The following DCC variants were observed in gnomAD, a reference collection of about 807,000 sequenced individuals.
DCC encodes DCC netrin 1 receptor, also known as netrin receptor DCC.
Under a neutral mutation model 172.5 loss-of-function variants are expected in DCC, and 58 were observed. That is an observed-to-expected ratio of 0.34 (90% CI 0.27 to 0.42). The LOEUF (loss-of-function observed/expected upper bound fraction) is 0.42. DCC is among the 10% of genes least tolerant of loss of function. The pLI is 1.00. For missense variants in DCC, 1,740 were observed against 1,791.0 expected, an observed-to-expected ratio of 0.97 and a Z score of 0.51; for synonymous variants, 709 against 644.5, an observed-to-expected ratio of 1.10 and a Z score of -1.52.
chr18:53,485,947 TAGAC>T (rs1259727120), intron 25 of DCC, among the ~76,000 whole-genome samples: 1 of 152,062 alleles, frequency 6.6e-6, no homozygotes, highest in Non-Finnish European at 1.5e-5. Context: ...ATTAATTTCA[TAGAC>T]AGGAATATAC....
intron 1 of DCC, among the ~76,000 whole-genome samples, chr18:52,702,996 A>G (rs2036150742): frequency 6.6e-6 from 1 of 152,190 alleles, no homozygotes; most frequent in African/African-American, 2.4e-5. Flanking sequence ...GAGTGTAAAT[A>G]CTTTACCTAC....
At chr18:52,639,921 C>T (rs116269503) in intron 1 of DCC, among the ~76,000 whole-genome samples, 1,832 of 152,134 alleles carry the variant, frequency 0.012, 29 homozygotes, top group African/African-American at 0.042. Flanking sequence ...AAAAAGAAAA[C>T]TACAGACTGA....
rs1037878517 is a variant in DCC, at chr18:52,447,806, T to C, written c.91+106928T>C. Among the ~76,000 whole-genome samples, 3 of 152,034 alleles carry C rather than the reference T, an allele frequency of 2.0e-5. No homozygotes were observed. The East Asian group carries it at 5.8e-4, about 30-fold the overall frequency. On this transcript the variant is annotated intron_variant, in intron 1 of 28. Coordinates refer to ENST00000442544, the MANE Select transcript of DCC (RefSeq NM_005215.4). ...GAGGTGCCACACTCTTTTAAACAAGTAGATCTCATGAGAACTCACTCACTA... is the reference window on the plus strand; with the variant it reads ...GAGGTGCCACACTCTTTTAAACAAGCAGATCTCATGAGAACTCACTCACTA...
intron 2 of DCC, among the ~76,000 whole-genome samples, chr18:52,904,332 T>A (rs1368719031): frequency 6.6e-6 from 1 of 152,212 alleles, no homozygotes; most frequent in Non-Finnish European, 1.5e-5. Context: ...CATATAATTT[T>A]GGTCTAATTT....
At chr18:53,512,004 C>CT (rs1232284061) in intron 27 of DCC, among the ~76,000 whole-genome samples, 1 of 152,208 alleles carries the variant, frequency 6.6e-6, no homozygotes, top group Non-Finnish European at 1.5e-5. Flanking sequence ...GGCTCCACCT[C>CT]TGGGGGCAGG....
At chr18:52,639,766 C>T (rs1324655060) in intron 1 of DCC, among the ~76,000 whole-genome samples, 1 of 151,934 alleles carries the variant, frequency 6.6e-6, no homozygotes, top group Non-Finnish European at 1.5e-5. Context: ...TGGATTCACA[C>T]CAGAATCCTA....
At chr18:52,840,482 T>C (rs1252276893) in intron 2 of DCC, among the ~76,000 whole-genome samples, 5 of 152,180 alleles carry the variant, frequency 3.3e-5, no homozygotes, top group Non-Finnish European at 7.4e-5. Context: ...GTAGAACCAT[T>C]CTAAGTGTAA....
At chr18:52,964,753 T>A (rs1452560150) in intron 5 of DCC, among the ~76,000 whole-genome samples, 1 of 152,138 alleles carries the variant, frequency 6.6e-6, no homozygotes, top group Non-Finnish European at 1.5e-5. Context: ...GAAAACAATG[T>A]AAATATATTA....
At chr18:52,974,613 G>C (rs1047542794) in intron 5 of DCC, among the ~76,000 whole-genome samples, 1 of 152,174 alleles carries the variant, frequency 6.6e-6, no homozygotes, top group Non-Finnish European at 1.5e-5. Flanking sequence ...GAATATATGA[G>C]AATAAATAGT....
chr18:53,283,774 C>T (rs1216667706), intron 12 of DCC, among the ~76,000 whole-genome samples: 1 of 152,174 alleles, frequency 6.6e-6, no homozygotes, highest in African/African-American at 2.4e-5. Context: ...GAACATGTGT[C>T]ATGATTATCA....
At chr18:52,946,898 C>G (rs1029052913) in intron 5 of DCC, among the ~76,000 whole-genome samples, 52 of 152,278 alleles carry the variant, frequency 3.4e-4, no homozygotes, top group African/African-American at 1.2e-3. Flanking sequence ...TATTTTAATA[C>G]TTAATTTTTG....
intron 2 of DCC, among the ~76,000 whole-genome samples, chr18:52,842,950 C>T (rs535122674): frequency 8.5e-5 from 13 of 152,200 alleles, no homozygotes; most frequent in Non-Finnish European, 1.8e-4. Flanking sequence ...TCGGAGAAAT[C>T]GATCATTCTA....
intron 7 of DCC, among the ~76,000 whole-genome samples, chr18:53,139,486 T>A (rs376622071): frequency 5.9e-5 from 9 of 152,282 alleles, no homozygotes; most frequent in African/African-American, 1.9e-4. Context: ...TTTCTAGTTG[T>A]TTGTTTGGTT....
chr18:53,268,871 A>G (rs183280701), intron 12 of DCC, among the ~76,000 whole-genome samples: 7 of 152,190 alleles, frequency 4.6e-5, no homozygotes, highest in African/African-American at 1.7e-4. Context: ...ATGAGGATGG[A>G]TGAGTGGACA....
Position 53,152,560 on chromosome 18 carries a change from A to C in DCC, c.1262-4796A>C, listed in dbSNP as rs1404140192. ...TTCCTGGATTTGGCTATTATTAAAA[A>C]ATTTTTAAAGATGTTCTTAAAAGAA... On this transcript the variant is annotated intron_variant, in intron 7 of 28. Coordinates refer to ENST00000442544, the MANE Select transcript of DCC (RefSeq NM_005215.4). 8.1e-5 allele frequency among the ~76,000 whole-genome samples: 11 copies of C among 135,676 alleles called. No homozygotes were observed. In the Admixed American group the frequency reaches 8.8e-4, roughly 11 times the overall value. 89.0% of individuals were successfully genotyped at this position (135,676 alleles called of 152,430 possible).
chr18:52,967,278 C>T (rs548845359), intron 5 of DCC, among the ~76,000 whole-genome samples: 1 of 152,254 alleles, frequency 6.6e-6, no homozygotes, highest in East Asian at 1.9e-4. Context: ...TGGAGCAAAT[C>T]CAACCCAAAC....
At chr18:52,721,866 A>G (rs1295534634) in intron 1 of DCC, among the ~76,000 whole-genome samples, 1 of 152,110 alleles carries the variant, frequency 6.6e-6, no homozygotes, top group African/African-American at 2.4e-5. Context: ...CTCTATGAAA[A>G]ATACAAAGAT....
rs961405325 is a variant in DCC, at chr18:52,837,671, C to T, written c.413-68373C>T. ...AACTTTCCCATATTTTCCTGTCTTCCGAGCCCTCCAAACTGTTCCAATCTC... is the reference window on the plus strand; with the variant it reads ...AACTTTCCCATATTTTCCTGTCTTCTGAGCCCTCCAAACTGTTCCAATCTC... On this transcript the variant is annotated intron_variant, in intron 2 of 28. Coordinates refer to ENST00000442544, the MANE Select transcript of DCC (RefSeq NM_005215.4). 1.5e-4 allele frequency among the ~76,000 whole-genome samples: 23 copies of T among 152,256 alleles called. No individual in the cohort carries two copies. In the East Asian group the frequency reaches 1.5e-3, roughly 10 times the overall value.
At chr18:52,633,122 T>TG (rs2034708184) in intron 1 of DCC, among the ~76,000 whole-genome samples, 4 of 134,584 alleles carry the variant, frequency 3.0e-5, no homozygotes, top group East Asian at 4.1e-4. Context: ...CTTCCTTTCC[T>TG]TTCCTGTCCT....
Sources: gnomAD v4.1 joint callset for allele counts (sites outside exome capture counted in the v4.1 genomes callset) on GRCh38, gnomAD v4.1.1 for gene constraint, MANE v1.5 for transcripts, NCBI Gene and HGNC (gene_info 2026-07-23, HGNC 2026-07-21) for gene names.